Variants in NID1 observed in about 807,000 individuals in gnomAD.
NID1 encodes the protein nidogen 1.
In NID1, 76 loss-of-function variants were observed where a neutral mutation model predicts 130.6. The observed-to-expected ratio is 0.58, with a 90% CI of 0.48 to 0.70. The LOEUF is 0.70. Among genes scored for constraint, NID1 ranks in the 30% least tolerant of loss-of-function variants. The probability of loss-of-function intolerance (pLI) is 0.00; values close to 1 mark genes in which losing one functional copy is unlikely to be tolerated. For synonymous variants in NID1, 665 were observed against 675.1 expected (o/e 0.98, Z 0.23); for missense variants, 1,517 against 1,664.8 (o/e 0.91, Z 1.54).
rs144778478 is a variant in NID1, at chr1:236,042,340, CA to C, written c.753-49del. 9,464 of 1,567,194 alleles carry C rather than the reference CA, an allele frequency of 6.0e-3. 400 individuals are homozygous for C. In the African/African-American group the frequency reaches 0.099, roughly 16 times the overall value. On this transcript the variant is annotated intron_variant, in intron 3 of 19. Coordinates refer to ENST00000264187, the MANE Select transcript of NID1 (RefSeq NM_002508.3). ...TAGAAACAGGCCAGCAACCCACCAA[CA>C]GCCACCACTACCCAAGCAGAGGGAG...
intron 9 of NID1, among the ~76,000 whole-genome samples, chr1:236,018,045 T>C (rs1405649137): frequency 6.6e-6 from 1 of 152,232 alleles, no homozygotes; most frequent in Non-Finnish European, 1.5e-5. Flanking sequence ...AATTGTGAAT[T>C]TTTGAATATT....
Position 235,990,947 on chromosome 1 carries a change from C to T in NID1, c.2867G>A (p.Arg956His), listed in dbSNP as rs377069605. Residue 956 changes from arginine to histidine, a missense_variant, in exon 14 of 20, where the codon CGC becomes CAC. Arg to His is a conservative substitution (Grantham distance 29, BLOSUM62 0). Transcript: ENST00000264187. ...CATGGTATTTCCCTCCAGGGGCAGG[C>T]GCTCAATCTTCCCAGTCTGGGCAAA... ...LLFAQTGKIE[R>H]LPLEGNTMRK... The T allele has an allele frequency of 2.0e-5, 32 of 1,614,148 alleles. No homozygotes were observed. Among genetic ancestry groups the T allele is most frequent in the African/African-American group, 1.1e-4 (8 of 75,026 alleles).
At chr1:236,044,407 A>G (rs932697442) in intron 3 of NID1, among the ~76,000 whole-genome samples, 6 of 152,218 alleles carry the variant, frequency 3.9e-5, no homozygotes, top group Non-Finnish European at 8.8e-5. Context: ...GAAATTATAT[A>G]TATTAAACCT....
At chr1:236,059,883 C>T (rs961933121) in intron 1 of NID1, among the ~76,000 whole-genome samples, 3 of 152,058 alleles carry the variant, frequency 2.0e-5, no homozygotes, top group East Asian at 1.9e-4. Flanking sequence ...GGGAGGATCA[C>T]GAGGTCAAGA....
chr1:236,001,039 G>A (rs1454963655), intron 12 of NID1, among the ~76,000 whole-genome samples: 1 of 152,086 alleles, frequency 6.6e-6, no homozygotes, highest in Non-Finnish European at 1.5e-5. Flanking sequence ...TGCACCTCTG[G>A]GACACACATC....
intron 7 of NID1, among the ~76,000 whole-genome samples, chr1:236,029,218 G>A (rs1175185428): frequency 1.3e-5 from 2 of 151,742 alleles, no homozygotes; most frequent in African/African-American, 2.4e-5. Context: ...AATAAAATTA[G>A]TTTATCATGA....
intron 9 of NID1, among the ~76,000 whole-genome samples, chr1:236,020,938 T>C (rs1427195506): frequency 2.0e-5 from 3 of 152,190 alleles, no homozygotes. Flanking sequence ...GCAGATTACA[T>C]AAAGGATGGC....
intron 14 of NID1, among the ~76,000 whole-genome samples, chr1:235,988,832 T>G (rs1657642927): frequency 6.6e-6 from 1 of 152,178 alleles, no homozygotes; most frequent in African/African-American, 2.4e-5. Context: ...ATAAGGGCAG[T>G]AAGTAGAATC....
intron 6 of NID1, among the ~76,000 whole-genome samples, chr1:236,031,083 A>T (rs919949143): frequency 6.6e-6 from 1 of 152,094 alleles, no homozygotes; most frequent in Non-Finnish European, 1.5e-5. Flanking sequence ...AAAAGTAGCA[A>T]ATCTTTTGAG....
intron 4 of NID1, among the ~76,000 whole-genome samples, chr1:236,038,578 C>T (rs1659330908): frequency 6.6e-6 from 1 of 151,796 alleles, no homozygotes; most frequent in African/African-American, 2.4e-5. Context: ...TATCCAATAG[C>T]AATCTCAGGA....
chr1:236,040,966 G>A (rs1659435534), intron 4 of NID1, among the ~76,000 whole-genome samples: 1 of 151,572 alleles, frequency 6.6e-6, no homozygotes, highest in Non-Finnish European at 1.5e-5. Context: ...TGCCTGGCTA[G>A]AACATCTTTT....
chr1:236,036,084 A>G (rs970714690), intron 5 of NID1, among the ~76,000 whole-genome samples: 3 of 152,212 alleles, frequency 2.0e-5, no homozygotes, highest in Admixed American at 6.5e-5. Context: ...CAGCATTTCA[A>G]GCTCTGATAT....
intron 1 of NID1, among the ~76,000 whole-genome samples, chr1:236,059,241 T>G (rs1659978571): frequency 1.3e-5 from 2 of 152,212 alleles, no homozygotes; most frequent in African/African-American, 4.8e-5. Context: ...TTGCAATGTT[T>G]TTTGGGATGG....
In NID1 at chr1:236,011,164, G is replaced by A. The variant is rs563564942; in HGVS notation, c.2527+757C>T. Among the ~76,000 whole-genome samples the A allele has an allele frequency of 3.9e-5, 6 of 152,230 alleles. 1 individual carries two copies. The South Asian group carries it at 1.2e-3, about 32-fold the overall frequency. On this transcript the variant is annotated intron_variant, in intron 12 of 19. Coordinates refer to ENST00000264187, the MANE Select transcript of NID1 (RefSeq NM_002508.3). ...GTTTTTAACTGCTTAAAAAGCGATG[G>A]GATGAAAATGTTTACTTATCTCTAA...
At chr1:235,988,913 A>G (rs950260266) in intron 14 of NID1, among the ~76,000 whole-genome samples, 2 of 152,118 alleles carry the variant, frequency 1.3e-5, no homozygotes, top group Non-Finnish European at 1.5e-5. Context: ...TCAGTTTGGG[A>G]TGATGAAAAA....
rs1658438496 is a variant in NID1 at position 236,011,945 on chromosome 1, C to T, written c.2503G>A (p.Asp835Asn). 3 of 1,614,040 alleles carry T rather than the reference C, an allele frequency of 1.9e-6. No homozygotes were observed. Among genetic ancestry groups the T allele is most frequent in the South Asian group, 2.2e-5 (2 of 91,082 alleles). ...CCTCCGGGCACGCAACGGAAGCCGT[C>T]TCCCTGATAACCAGGTTTGCACTGG... ...TCQCKPGYQG[D>N]GFRCVPGEVE... The change falls in exon 12 of 20, where the codon GAC (aspartate) becomes AAC (asparagine). Residue 835 changes from aspartate to asparagine, a missense_variant. Around this residue, in one of 3 missense-constraint regions of NID1, gnomAD observed 1,329 missense variants for 1,429.2 expected, o/e 0.93. Coordinates refer to ENST00000264187, the MANE Select transcript of NID1 (RefSeq NM_002508.3).
intron 2 of NID1, among the ~76,000 whole-genome samples, chr1:236,047,581 T>C (rs979179891): frequency 2.0e-5 from 3 of 152,190 alleles, no homozygotes; most frequent in African/African-American, 4.8e-5. Flanking sequence ...CCCTGGGTTA[T>C]GACAATACTT....
rs754456881 is a variant in NID1, at chr1:236,045,595, G to A, written c.614C>T (p.Thr205Met). The A allele has an allele frequency of 2.5e-5, 40 of 1,614,004 alleles. No homozygotes were observed. The highest frequency in any genetic ancestry group is 1.5e-4 in the Admixed American group (9 of 60,002). ...GTTGTTTTCCTTCTTTGAGAATGTC[G>A]TATGGAACTGCAGACCATCCTCAGG... ...LYPEDGLQFH[T>M]TFSKKENNQV... The change falls in exon 3 of 20, where the codon ACG becomes ATG. Residue 205 changes from threonine to methionine, a missense_variant. Physicochemically the swap from Thr to Met is moderately conservative, Grantham distance 81. This residue lies in a region of NID1 where 1,329 missense variants were observed against 1,429.2 expected (regional missense o/e 0.93). Transcript: ENST00000264187.
At chr1:236,040,247 T>C (rs994408711) in intron 4 of NID1, among the ~76,000 whole-genome samples, 4 of 151,992 alleles carry the variant, frequency 2.6e-5, no homozygotes, top group African/African-American at 9.7e-5. Flanking sequence ...TGCTGAGCAA[T>C]GTAAGCATCA....
Sources: gnomAD v4.1 joint callset for allele counts (sites outside exome capture counted in the v4.1 genomes callset) on GRCh38, gnomAD v4.1.1 for gene constraint, gnomAD v4.1.1 regional missense constraint, MANE v1.5 for transcripts, NCBI Gene and HGNC (gene_info 2026-07-23, HGNC 2026-07-21) for gene names.